The following ABCA13 variants were observed in gnomAD, a reference collection of about 807,000 sequenced individuals.
ABCA13 encodes ATP-binding cassette sub-family A member 13.
In ABCA13, 476 loss-of-function variants were observed where a neutral mutation model predicts 478.7. The ratio of observed to expected loss-of-function variants is 0.99; its 90% confidence interval spans 0.92 to 1.07. The LOEUF (loss-of-function observed/expected upper bound fraction) is 1.07, where lower values mean the gene tolerates loss of function less well. Among genes scored for constraint, ABCA13 ranks in the 50% least tolerant of loss-of-function variants. The pLI is 0.00. For missense variants in ABCA13, 6,060 were observed against 5,910.6 expected, an observed-to-expected ratio of 1.03 and a Z score of -0.83; for synonymous variants, 2,252 against 2,158.9, an observed-to-expected ratio of 1.04 and a Z score of -1.20.
chr7:48,312,291 C>T (rs1801893199), intron 24 of ABCA13, among the ~76,000 whole-genome samples: 2 of 152,210 alleles, frequency 1.3e-5, no homozygotes, highest in South Asian at 2.1e-4. Flanking sequence ...ATTTTCCCTG[C>T]TCTGTGCGAA....
At chr7:48,309,733 A>G (rs1801472442) in intron 23 of ABCA13, among the ~76,000 whole-genome samples, 1 of 152,178 alleles carries the variant, frequency 6.6e-6, no homozygotes, top group African/African-American at 2.4e-5. Flanking sequence ...CAAATTTTAT[A>G]AGAAGTCAGA....
At position 48,279,613 on chromosome 7, in the gene ABCA13, A is replaced by G. The variant is rs777349798; in HGVS notation, c.8419A>G (p.Ile2807Val). The G allele has an allele frequency of 6.2e-6, 10 of 1,612,954 alleles. No individual in the cohort carries two copies. The East Asian group carries it at 2.0e-4, about 32-fold the overall frequency. Residue 2807 changes from isoleucine to valine, a missense_variant, in exon 18 of 62, where the codon ATA (isoleucine) becomes GTA (valine). This residue lies in a region of ABCA13 where 4,423 missense variants were observed against 4,309.1 expected (regional missense o/e 1.03). Transcript: ENST00000435803. ...LYFDTPLSQNITHHQLEKAIH... is the reference protein window; with the variant it reads ...LYFDTPLSQNVTHHQLEKAIH... ...TTTTGACACACCTTTGAGTCAGAAT[A>G]TAACTCATCATCAACTTGAAAAAGC...
chr7:48,502,429 A>AAATAAAG (rs1830839516), intron 48 of ABCA13, among the ~76,000 whole-genome samples: 1 of 152,212 alleles, frequency 6.6e-6, no homozygotes, highest in Non-Finnish European at 1.5e-5. Context: ...CGACTTGATC[A>AAATAAAG]AATAAAGATC....
intron 56 of ABCA13, among the ~76,000 whole-genome samples, chr7:48,581,823 C>G (rs1333216604): frequency 6.6e-6 from 1 of 152,156 alleles, no homozygotes; most frequent in African/African-American, 2.4e-5. Flanking sequence ...TCTAAGATGT[C>G]TGCACACTTT....
chr7:48,610,087 A>G (rs935334802), intron 58 of ABCA13, among the ~76,000 whole-genome samples: 1 of 152,228 alleles, frequency 6.6e-6, no homozygotes, highest in African/African-American at 2.4e-5. Context: ...AAAAGTCCAC[A>G]GTCCAGAGTT....
chr7:48,307,053 C>G (rs1012615176), intron 23 of ABCA13, among the ~76,000 whole-genome samples: 1 of 152,262 alleles, frequency 6.6e-6, no homozygotes, highest in African/African-American at 2.4e-5. Context: ...TCCGCTGGCC[C>G]ACCCTGCAGA....
At chr7:48,451,653 A>G (rs1375535499) in intron 42 of ABCA13, among the ~76,000 whole-genome samples, 1 of 152,104 alleles carries the variant, frequency 6.6e-6, no homozygotes, top group Non-Finnish European at 1.5e-5. Context: ...TCTTAATTTT[A>G]CTGACTTGAA....
At position 48,551,172 on chromosome 7, in the gene ABCA13, A is replaced by T. The variant is rs141375046; in HGVS notation, c.14354+22827A>T. Among the ~76,000 whole-genome samples the T allele has an allele frequency of 6.2e-3, 939 of 151,514 alleles. 13 individuals carry two copies. Among genetic ancestry groups the T allele is most frequent in the African/African-American group, 0.022 (895 of 41,386 alleles). On this transcript the variant is annotated intron_variant, in intron 55 of 61. Coordinates refer to ENST00000435803, the MANE Select transcript of ABCA13 (RefSeq NM_152701.5). Reference sequence around the variant, plus strand: ...TTGTTCATGTCATATATTTCCTTCAAATAGCTAATGTTTTGTGATTGTCTA... The same window carrying T: ...TTGTTCATGTCATATATTTCCTTCATATAGCTAATGTTTTGTGATTGTCTA...
At chr7:48,210,297 A>C (rs528848159) in intron 3 of ABCA13, among the ~76,000 whole-genome samples, 1 of 152,286 alleles carries the variant, frequency 6.6e-6, no homozygotes, top group East Asian at 1.9e-4. Flanking sequence ...TGAGAAGAGC[A>C]TGGGGGAACT....
chr7:48,221,198 A>G, intron 4 of ABCA13, 83 bp from the exon 5 acceptor site: 1 of 702,252 alleles, frequency 1.4e-6, no homozygotes. Context: ...ACTCCATTTG[A>G]CTTTAGAATT....
At chr7:48,367,301 A>G (rs994231446) in intron 31 of ABCA13, among the ~76,000 whole-genome samples, 1 of 152,188 alleles carries the variant, frequency 6.6e-6, no homozygotes, top group African/African-American at 2.4e-5. Context: ...GATAAGAGTC[A>G]TTTCAAGTGT....
chr7:48,447,217 A>C (rs1270824040), intron 42 of ABCA13, among the ~76,000 whole-genome samples: 1 of 152,174 alleles, frequency 6.6e-6, no homozygotes, highest in African/African-American at 2.4e-5. Context: ...AGCAACTTTC[A>C]CTAACATATC....
intron 59 of ABCA13, among the ~76,000 whole-genome samples, chr7:48,634,608 A>G (rs2131653971): frequency 6.6e-6 from 1 of 151,344 alleles, no homozygotes; most frequent in East Asian, 2.0e-4. Context: ...ATTTTTCTCT[A>G]TTGTTTTTAT....
At chr7:48,192,746 A>T (rs1290136855) in intron 1 of ABCA13, among the ~76,000 whole-genome samples, 1 of 152,180 alleles carries the variant, frequency 6.6e-6, no homozygotes, top group African/African-American at 2.4e-5. Context: ...GAAAGAAGCA[A>T]AAGCTGGGTC....
intron 37 of ABCA13, among the ~76,000 whole-genome samples, chr7:48,389,514 G>T (rs17132295): frequency 0.25 from 37,611 of 152,014 alleles, 5,289 homozygotes; most frequent in African/African-American, 0.39. Context: ...TTACCATGTT[G>T]TACTTTAGTC....
In ABCA13 at chr7:48,520,177, ATG is replaced by A; in HGVS notation, c.13937_13938del (p.Val4646GlufsTer4). ...ACCCACAACTTCGGCATTGATTCCT[ATG>A]TGAGTCCCTTTGAGATGAACTTTCT... On this transcript the variant is annotated frameshift_variant, in exon 53 of 62. Coordinates refer to ENST00000435803, the MANE Select transcript of ABCA13 (RefSeq NM_152701.5). LOFTEE classifies it high-confidence loss of function. 6.2e-7 allele frequency: 1 copy of A among 1,613,742 alleles called. No individual in the cohort carries two copies.
Position 48,272,939 on chromosome 7 carries a change from A to T in ABCA13, c.3273A>T (p.Val1091=), listed in dbSNP as rs1325808452. 1 of 1,613,030 alleles carries T rather than the reference A, an allele frequency of 6.2e-7. No homozygotes were observed. Among genetic ancestry groups the T allele is most frequent in the African/African-American group, 1.3e-5 (1 of 74,920 alleles). ...QYMSQFFNSS[V]EDLLDNKCLI... is the part of the protein sequence containing the mutation. ...TGAGCCAATTCTTCAACAGTTCAGTAGAAGACCTATTGGATAATAAATGCT... is the reference window on the plus strand; with the variant it reads ...TGAGCCAATTCTTCAACAGTTCAGTTGAAGACCTATTGGATAATAAATGCT... The change falls in exon 17 of 62, where the codon GTA becomes GTT. Residue 1091 remains valine (V), a synonymous_variant. Transcript: ENST00000435803.
intron 42 of ABCA13, among the ~76,000 whole-genome samples, chr7:48,431,372 CAA>C (rs1822128215): frequency 1.3e-5 from 2 of 152,012 alleles, no homozygotes; most frequent in South Asian, 4.2e-4. Flanking sequence ...ACAACAACAA[CAA>C]CAACAACAAC....
At chr7:48,466,241 C>G (rs1433293165) in intron 43 of ABCA13, among the ~76,000 whole-genome samples, 1 of 152,104 alleles carries the variant, frequency 6.6e-6, no homozygotes, top group East Asian at 1.9e-4. Flanking sequence ...AAATTTAATA[C>G]AGGGTTTGTT....
Sources: gnomAD v4.1 joint callset for allele counts (sites outside exome capture counted in the v4.1 genomes callset) on GRCh38, gnomAD v4.1.1 for gene constraint, gnomAD v4.1.1 regional missense constraint, MANE v1.5 for transcripts, NCBI Gene and HGNC (gene_info 2026-07-23, HGNC 2026-07-21) for gene names.